RNF114: variants seen among roughly 807,000 people sequenced by gnomAD.
RNF114 encodes E3 ubiquitin-protein ligase RNF114.
Under a neutral mutation model 28.4 loss-of-function variants are expected in RNF114, and 6 were observed. The ratio of observed to expected loss-of-function variants is 0.21; its 90% CI spans 0.12 to 0.42. RNF114 has a LOEUF of 0.42. Among genes scored for constraint, RNF114 ranks in the 10% least tolerant of loss-of-function variants. The pLI is 1.00. For synonymous variants in RNF114, 115 were observed against 116.7 expected, an observed-to-expected ratio of 0.99 and a Z score of 0.09; for missense variants, 249 against 311.7, an observed-to-expected ratio of 0.80 and a Z score of 1.51.
chr20:49,945,317 G>C, intron 2 of RNF114, 65 bp from the exon 3 acceptor site: 2 of 949,398 alleles, frequency 2.1e-6, no homozygotes, highest in South Asian at 1.3e-5. Context: ...GCCCTTGTTT[G>C]GGACTATATT....
At position 49,953,087 on chromosome 20, in the gene RNF114, G is replaced by C. The variant is rs2090361912; in HGVS notation, c.*946G>C. ...CTTTTACCTTCTGCTTGGTAACTTA[G>C]ATTAAACTGAGCATTGTTTTTCTGT... On this transcript the variant is annotated 3_prime_UTR_variant, in exon 6 of 6. Transcript: ENST00000244061. 6.6e-6 allele frequency: 1 copy of C among 152,070 alleles called. No homozygotes were observed. Among genetic ancestry groups the C allele is most frequent in the South Asian group, 2.1e-4 (1 of 4,828 alleles). 9.4% of individuals were successfully genotyped at this position (152,070 alleles called of 1,614,324 possible).
chr20:49,946,403 A>G (rs1006512164), intron 4 of RNF114, 153 bp downstream of exon 4: 19 of 555,728 alleles, frequency 3.4e-5, no homozygotes, highest in Non-Finnish European at 6.0e-5. Context: ...ACCATGCTCT[A>G]TAGTACACAT....
At chr20:49,945,579 T>C (rs79598075) in intron 3 of RNF114, 91 bp downstream of exon 3, 31,234 of 725,978 alleles carry the variant, frequency 0.043, 822 homozygotes, top group East Asian at 0.094. Flanking sequence ...GTATGAATTG[T>C]TATGCTGGCT....
intron 2 of RNF114, among the ~76,000 whole-genome samples, chr20:49,943,107 C>T (rs2090314206): frequency 6.6e-6 from 1 of 151,934 alleles, no homozygotes; most frequent in Non-Finnish European, 1.5e-5. Flanking sequence ...AAGAATATAC[C>T]TTACCATCTC....
rs759804307 is a variant in RNF114 at position 49,936,455 on chromosome 20, G to A, written c.43G>A (p.Ala15Thr). ...QRDCGGAAQL[A>T]GPAAEADPLG... The stretch of plus-strand genomic sequence containing the variant: ...GGACTGCGGGGGTGCTGCGCAGCTG[G>A]CGGGGCCGGCGGCGGAGGCTGACCC... Residue 15 changes from alanine to threonine, a missense_variant, in exon 1 of 6, where the codon GCG becomes ACG. Physicochemically the swap from Ala to Thr is moderately conservative, Grantham distance 58. Around this residue, in one of 2 missense-constraint regions of RNF114, gnomAD observed 123 missense variants for 106.4 expected, o/e 1.16. Transcript: ENST00000244061. 2 of 1,548,186 alleles carry A rather than the reference G, an allele frequency of 1.3e-6. No individual in the cohort carries two copies. Among genetic ancestry groups the A allele is most frequent in the Middle Eastern group, 1.7e-4 (1 of 5,860 alleles).
Position 49,945,365 on chromosome 20 carries a change from G to T in RNF114, c.292-17G>T. 1 of 1,557,990 alleles carries T rather than the reference G, an allele frequency of 6.4e-7. No individual in the cohort carries two copies. The highest frequency in any genetic ancestry group is 1.1e-5 in the South Asian group (1 of 89,900). On this transcript the variant is annotated splice_polypyrimidine_tract_variant and intron_variant, in intron 2 of 5. Transcript: ENST00000244061. ...AGGTCCTCACTAACTTATGGGCTCT[G>T]ATTCTTCCTATTTGAGTTCTTCCTG...
intron 2 of RNF114, chr20:49,944,621 C>G (rs374873641): frequency 3.3e-4 from 51 of 152,312 alleles, no homozygotes; most frequent in African/African-American, 1.1e-3. Flanking sequence ...TAGCTCACGC[C>G]TGTAAACCCA....
At chr20:49,937,084 C>T (rs956289089) in intron 1 of RNF114, among the ~76,000 whole-genome samples, 3 of 152,156 alleles carry the variant, frequency 2.0e-5, no homozygotes, top group African/African-American at 7.2e-5. Context: ...TGGGAGTTGG[C>T]AGATGGGATT....
chr20:49,936,436 C>G lies in RNF114; in HGVS notation c.24C>G (p.Cys8Trp), dbSNP rs747764546. The G allele has an allele frequency of 1.3e-6, 2 of 1,538,372 alleles. No individual in the cohort carries two copies. The highest frequency in any genetic ancestry group is 1.7e-6 in the Non-Finnish European group (2 of 1,143,366). MAAQQRDCGGAAQLAGPA... is the reference protein window; with the variant it reads MAAQQRDWGGAAQLAGPA... ...AGATGGCGGCGCAACAGCGGGACTG[C>G]GGGGGTGCTGCGCAGCTGGCGGGGC... is the stretch of plus-strand genomic sequence containing the variant. Residue 8 changes from cysteine to tryptophan, a missense_variant, in exon 1 of 6, where the codon TGC becomes TGG. Physicochemically the swap from Cys to Trp is radical, Grantham distance 215 (BLOSUM62 -2). Coordinates refer to ENST00000244061, the MANE Select transcript of RNF114 (RefSeq NM_018683.4).
rs762420886 is a variant in RNF114, at chr20:49,945,338, C to G, written c.292-44C>G. On this transcript the variant is annotated intron_variant, in intron 2 of 5. Transcript: ENST00000244061. ...GTTTGGGACTATATTTTGCCTGTTG[C>G]AAGGTCCTCACTAACTTATGGGCTC... The G allele has an allele frequency of 3.8e-6, 5 of 1,299,086 alleles. No homozygotes were observed. The South Asian group carries it at 4.7e-5, about 12-fold the overall frequency. 80.5% of individuals were successfully genotyped at this position (1,299,086 alleles called of 1,614,324 possible).
Position 49,945,396 on chromosome 20 carries a change from G to C in RNF114, c.306G>C (p.Lys102Asn), listed in dbSNP as rs2090326061. The change falls in exon 3 of 6, where the codon AAG becomes AAC. Residue 102 changes from lysine to asparagine, a missense_variant. Transcript: ENST00000244061. The stretch of plus-strand genomic sequence containing the variant: ...TCCTATTTGAGTTCTTCCTGTCCAA[G>C]ATCCGGTCCCACGTGGCTACTTGTT... ...HGCRKNFFLSKIRSHVATCSK... is the reference protein window; with the variant it reads ...HGCRKNFFLSNIRSHVATCSK... 4 of 1,611,752 alleles carry C rather than the reference G, an allele frequency of 2.5e-6. No individual in the cohort carries two copies. The highest frequency in any genetic ancestry group is 3.4e-6 in the Non-Finnish European group (4 of 1,178,016).
Position 49,939,686 on chromosome 20 carries a change from C to T in RNF114, c.141-1875C>T, listed in dbSNP as rs1392736833. Among the ~76,000 whole-genome samples, 6 of 151,836 alleles carry T rather than the reference C, an allele frequency of 4.0e-5. No individual in the cohort carries two copies. The East Asian group carries it at 1.2e-3, about 29-fold the overall frequency. The stretch of plus-strand genomic sequence containing the variant: ...TTCATCCCCTGCTGCTTCAGTCAGA[C>T]CCTCACAATCCTCTGCCTTTAGCCA... On this transcript the variant is annotated intron_variant, in intron 1 of 5. Transcript: ENST00000244061.
intron 2 of RNF114, among the ~76,000 whole-genome samples, chr20:49,943,319 A>G (rs796736530): frequency 1.1e-4 from 17 of 152,132 alleles, no homozygotes; most frequent in African/African-American, 4.1e-4. Flanking sequence ...ACATAGTGGG[A>G]CTCTGTATAT....
chr20:49,943,873 G>GAGAGAT (rs367806875), intron 2 of RNF114: 1 of 122,136 alleles, frequency 8.2e-6, no homozygotes, highest in Non-Finnish European at 1.7e-5. Context: ...TACACACAGA[G>GAGAGAT]ATATATATAT....
rs2146851452 is a variant in RNF114, at chr20:49,936,424, A to G, written c.12A>G (p.Gln4=). The change falls in exon 1 of 6, where the codon CAA becomes CAG. Residue 4 remains glutamine, a synonymous_variant. Transcript: ENST00000244061. MAA[Q]QRDCGGAAQL... ...AGAGCGGCAGCAAGATGGCGGCGCAACAGCGGGACTGCGGGGGTGCTGCGC... is the reference window on the plus strand; with the variant it reads ...AGAGCGGCAGCAAGATGGCGGCGCAGCAGCGGGACTGCGGGGGTGCTGCGC... The G allele has an allele frequency of 1.3e-6, 2 of 1,517,134 alleles. No individual in the cohort carries two copies. The highest frequency in any genetic ancestry group is 1.4e-5 in the African/African-American group (1 of 69,780). 94.0% of individuals were successfully genotyped at this position (1,517,134 alleles called of 1,614,324 possible).
At chr20:49,947,728 C>G (rs528285626) in intron 4 of RNF114, among the ~76,000 whole-genome samples, 24 of 140,696 alleles carry the variant, frequency 1.7e-4, no homozygotes, top group Middle Eastern at 3.9e-3. Flanking sequence ...GCCTTCTCTT[C>G]AGCCTTTGGC....
Position 49,953,369 on chromosome 20 carries a change from T to C in RNF114, c.*1228T>C, listed in dbSNP as rs774437061. On this transcript the variant is annotated 3_prime_UTR_variant, in exon 6 of 6. Coordinates refer to ENST00000244061, the MANE Select transcript of RNF114 (RefSeq NM_018683.4). ...TATTAATAAATATAAGTCCAAGAGC[T>C]GTCAGCCTAATCTGTAGGAGCAGAA... is the stretch of plus-strand genomic sequence containing the variant. The C allele has an allele frequency of 2.0e-5, 3 of 152,218 alleles. No homozygotes were observed. The highest frequency in any genetic ancestry group is 1.3e-4 in the Admixed American group (2 of 15,278). The allele number at this position is 152,218 out of a possible 1,614,324, so 9.4% of individuals were successfully genotyped here.
chr20:49,953,655 A>G lies in RNF114; in HGVS notation c.*1514A>G, dbSNP rs1305549751. 6.6e-6 allele frequency: 1 copy of G among 152,172 alleles called. No homozygotes were observed. The highest frequency in any genetic ancestry group is 1.5e-5 in the Non-Finnish European group (1 of 68,020). The allele number at this position is 152,172 out of a possible 1,614,324, so 9.4% of individuals were successfully genotyped here. The stretch of plus-strand genomic sequence containing the variant: ...TAATTTCTGGAAGAAGTTCACTCAG[A>G]CCTTCCTGAATTCAGATCATCTCAG... On this transcript the variant is annotated 3_prime_UTR_variant, in exon 6 of 6. Coordinates refer to ENST00000244061, the MANE Select transcript of RNF114 (RefSeq NM_018683.4).
rs1250293405 is a variant in RNF114, at chr20:49,953,409, A to T, written c.*1268A>T. 6.6e-6 allele frequency: 1 copy of T among 152,170 alleles called. No homozygotes were observed. The highest frequency in any genetic ancestry group is 2.4e-5 in the African/African-American group (1 of 41,440). 9.4% of individuals were successfully genotyped at this position (152,170 alleles called of 1,614,324 possible). On this transcript the variant is annotated 3_prime_UTR_variant, in exon 6 of 6. Transcript: ENST00000244061. ...TAGGAGCAGAACCTCTGATTGACCA[A>T]AAGGCATATGGGTTTAGGTTGGTTT... is the stretch of plus-strand genomic sequence containing the variant.
Sources: allele counts gnomAD v4.1 joint callset (sites outside exome capture counted in the v4.1 genomes callset), GRCh38; gene constraint gnomAD v4.1.1; regional missense constraint gnomAD v4.1.1; transcripts MANE v1.5; gene names NCBI Gene and HGNC (gene_info 2026-07-23, HGNC 2026-07-21).